The following USH1C variants were observed in gnomAD, a reference collection of about 807,000 sequenced individuals.
USH1C encodes harmonin.
In USH1C, 90 loss-of-function variants were observed where a neutral mutation model predicts 119.3. That is an observed-to-expected ratio of 0.75 (90% confidence interval 0.64 to 0.90). The LOEUF (loss-of-function observed/expected upper bound fraction) is 0.90. Ranked by LOEUF, USH1C falls within the 40% of genes least tolerant of loss-of-function variation. USH1C has a pLI of 0.00. For missense variants in USH1C, 1,165 were observed against 1,167.7 expected, an observed-to-expected ratio of 1.00 and a Z score of 0.03; for synonymous variants, 465 against 443.3, an observed-to-expected ratio of 1.05 and a Z score of -0.62.
chr11:17,521,271 C>T, intron 13 of USH1C, 75 bp downstream of exon 13: 1 of 1,508,302 alleles, frequency 6.6e-7, no homozygotes, highest in Non-Finnish European at 9.2e-7. Flanking sequence ...GTTCTGGAGG[C>T]AGCCTCTGGT....
Position 17,494,319 on chromosome 11 carries a change from A to G in USH1C, c.*13T>C, listed in dbSNP as rs1849165338. On this transcript the variant is annotated 3_prime_UTR_variant, in exon 27 of 27. Transcript: ENST00000005226. Reference sequence around the variant, plus strand: ...CTTTGTGTTCACGAGGTGGGGCCGGAGCTCACTGTTTCCTAACGGTGAATT... The same window carrying G: ...CTTTGTGTTCACGAGGTGGGGCCGGGGCTCACTGTTTCCTAACGGTGAATT... 1 of 1,607,496 alleles carries G rather than the reference A, an allele frequency of 6.2e-7. No individual in the cohort carries two copies. Among genetic ancestry groups the G allele is most frequent in the Non-Finnish European group, 8.5e-7 (1 of 1,176,868 alleles).
In USH1C at chr11:17,531,406, G is replaced by GC; in HGVS notation, c.240dup (p.Arg81AlafsTer68). On this transcript the variant is annotated frameshift_variant, in exon 3 of 27. Transcript: ENST00000005226. LOFTEE classifies it high-confidence loss of function. The surrounding 1 kb of genome is among the most constrained non-coding windows in gnomAD (Gnocchi z 4.2). ...TGGTGGCTTCCTCTGCACCTGGAGC[G>GC]CCGGGGGGTCAGCTGATCATATTCC... 6.2e-7 allele frequency: 1 copy of GC among 1,613,796 alleles called. No individual in the cohort carries two copies. Among genetic ancestry groups the GC allele is most frequent in the Non-Finnish European group, 8.5e-7 (1 of 1,179,870 alleles).
rs1156708872 is a variant in USH1C, at chr11:17,544,362, C to A, written c.-55G>T. On this transcript the variant is annotated 5_prime_UTR_variant, in exon 1 of 27. Coordinates refer to ENST00000005226, the MANE Select transcript of USH1C (RefSeq NM_153676.4). ...ACGACCCGTTCCTTCGGGTGCCCGG[C>A]TGCCAGGAGCTGGAAAGAGCCGCGA... 1.4e-5 allele frequency: 22 copies of A among 1,612,494 alleles called. No individual in the cohort carries two copies. Among genetic ancestry groups the A allele is most frequent in the Non-Finnish European group, 1.8e-5 (21 of 1,179,434 alleles).
chr11:17,506,140 C>T (rs139724923), intron 18 of USH1C, among the ~76,000 whole-genome samples, 191 bp from the exon 19 acceptor site: 198 of 152,324 alleles, frequency 1.3e-3, no homozygotes, highest in African/African-American at 4.6e-3. Flanking sequence ...ACAGTGTGGG[C>T]TGAGATCACA....
At position 17,504,635 on chromosome 11, in the gene USH1C, G is replaced by T. The variant is rs138547759; in HGVS notation, c.2184+12C>A. ...GGGGAGACCTCCAGACACACAATGG[G>T]TATCAGTTTACTTGTCTGAATGCTG... On this transcript the variant is annotated intron_variant, in intron 20 of 26. Transcript: ENST00000005226. The T allele has an allele frequency of 1.1e-5, 17 of 1,613,796 alleles. No individual in the cohort carries two copies. The highest frequency in any genetic ancestry group is 1.4e-5 in the Non-Finnish European group (17 of 1,179,878).
chr11:17,536,007 C>T (rs1305322969), intron 1 of USH1C, among the ~76,000 whole-genome samples: 3 of 152,204 alleles, frequency 2.0e-5, no homozygotes, highest in Non-Finnish European at 4.4e-5. Context: ...ATTTCCAACC[C>T]TTTGCTTTCA....
intron 11 of USH1C, 118 bp from the exon 12 acceptor site, chr11:17,523,044 C>A: frequency 6.3e-7 from 1 of 1,584,144 alleles, no homozygotes; most frequent in South Asian, 1.1e-5. Flanking sequence ...CTGCGGCTCC[C>A]GCAATCCCTG....
At chr11:17,513,602 C>T (rs1010921935) in intron 15 of USH1C, among the ~76,000 whole-genome samples, 3 of 152,106 alleles carry the variant, frequency 2.0e-5, no homozygotes, top group East Asian at 1.9e-4. Flanking sequence ...ATGAGCCTCT[C>T]GAGAAAATGG....
chr11:17,495,735 G>A, intron 25 of USH1C, 58 bp from the exon 26 acceptor site: 2 of 1,557,824 alleles, frequency 1.3e-6, no homozygotes, highest in East Asian at 2.2e-5. Flanking sequence ...CCCAGGCAGA[G>A]CTCCATGGGG....
In USH1C at chr11:17,534,726, T is replaced by C. The variant is rs1159841282; in HGVS notation, c.37-1404A>G. On this transcript the variant is annotated intron_variant, in intron 1 of 26. Coordinates refer to ENST00000005226, the MANE Select transcript of USH1C (RefSeq NM_153676.4). ...CCTGTCTCTATTAAAATACAAAAATTAGCTGGGCGTAGTGGTATGCCCCTG... is the reference window on the plus strand; with the variant it reads ...CCTGTCTCTATTAAAATACAAAAATCAGCTGGGCGTAGTGGTATGCCCCTG... 2.0e-5 allele frequency among the ~76,000 whole-genome samples: 3 copies of C among 152,180 alleles called. No homozygotes were observed. In the East Asian group the frequency reaches 5.8e-4, roughly 29 times the overall value.
intron 10 of USH1C, 61 bp downstream of exon 10, chr11:17,523,358 G>A: frequency 6.2e-7 from 1 of 1,613,576 alleles, no homozygotes; most frequent in Non-Finnish European, 8.5e-7. Flanking sequence ...CAGGGTGGTG[G>A]GGATGAGAAG....
At chr11:17,518,455 A>G (rs1197124947) in intron 14 of USH1C, among the ~76,000 whole-genome samples, 2 of 152,206 alleles carry the variant, frequency 1.3e-5, no homozygotes, top group Non-Finnish European at 2.9e-5. Flanking sequence ...TCCTTAGTCA[A>G]GGCTGCCCCT....
intron 25 of USH1C, among the ~76,000 whole-genome samples, chr11:17,495,887 G>A (rs941340773): frequency 2.0e-5 from 3 of 151,874 alleles, no homozygotes; most frequent in Non-Finnish European, 4.4e-5. Context: ...GCCCAGCCAC[G>A]ACAGGGAGGC....
At chr11:17,500,529 C>T (rs764581529) in intron 23 of USH1C, among the ~76,000 whole-genome samples, 1 of 152,238 alleles carries the variant, frequency 6.6e-6, no homozygotes, top group African/African-American at 2.4e-5. Context: ...TCTGGCCAAA[C>T]GTTCGGCTCC....
At chr11:17,517,533 GC>G in intron 14 of USH1C, 2 of 1,520,730 alleles carry the variant, frequency 1.3e-6, no homozygotes, top group Admixed American at 2.0e-5. Flanking sequence ...AGCCCAAGAG[GC>G]CGGAGAACCT....
At chr11:17,518,183 A>T (rs1377228069) in intron 14 of USH1C, among the ~76,000 whole-genome samples, 1 of 152,264 alleles carries the variant, frequency 6.6e-6, no homozygotes, top group African/African-American at 2.4e-5. Context: ...AAGGCTGTTA[A>T]GTTCTTTGGC....
intron 17 of USH1C, 97 bp downstream of exon 17, chr11:17,510,308 T>C: frequency 3.1e-6 from 3 of 980,938 alleles, no homozygotes; most frequent in South Asian, 2.7e-5. Context: ...GTGAGGCTAG[T>C]GACGTTTGCT....
Position 17,511,955 on chromosome 11 carries a change from C to T in USH1C, c.1360G>A (p.Glu454Lys). ...TGCTTTTCCTTCTCCAGCATTTCCT[C>T]TTTCTCTTTGTAAAGCTTTTGCTCA... ...EFEQKLYKEK[E>K]EMLEKEKQLK... is the part of the protein sequence containing the mutation. Residue 454 changes from glutamate to lysine, a missense_variant, in exon 16 of 27, where the codon GAG becomes AAG. Glu to Lys is a moderately conservative substitution (Grantham distance 56, BLOSUM62 1). Coordinates refer to ENST00000005226, the MANE Select transcript of USH1C (RefSeq NM_153676.4). 6.2e-7 allele frequency: 1 copy of T among 1,614,214 alleles called. No homozygotes were observed. Among genetic ancestry groups the T allele is most frequent in the South Asian group, 1.1e-5 (1 of 91,084 alleles).
At chr11:17,516,169 G>T in intron 15 of USH1C, 72 bp downstream of exon 15, 1 of 1,528,652 alleles carries the variant, frequency 6.5e-7, no homozygotes, top group Non-Finnish European at 9.0e-7. Flanking sequence ...ATAGGACAAG[G>T]AATGTTTGGG....
Sources: gnomAD v4.1 joint callset for allele counts (sites outside exome capture counted in the v4.1 genomes callset) on GRCh38, gnomAD v4.1.1 for gene constraint, Gnocchi (gnomAD v3.1) non-coding constraint, MANE v1.5 for transcripts, NCBI Gene and HGNC (gene_info 2026-07-23, HGNC 2026-07-21) for gene names.